Variants in TBC1D19 observed in about 807,000 individuals in gnomAD.
The protein encoded by TBC1D19 is TBC1 domain family member 19.
A neutral mutation model predicts 89.0 loss-of-function variants in TBC1D19; 60 were observed. That is an observed-to-expected ratio of 0.67 (90% CI 0.55 to 0.84). The LOEUF (loss-of-function observed/expected upper bound fraction) is 0.84. TBC1D19 is among the 40% of genes least tolerant of loss of function. The probability of loss-of-function intolerance (pLI) is 0.00; values close to 1 mark genes in which losing one functional copy is unlikely to be tolerated. For missense variants in TBC1D19, 500 were observed against 610.8 expected, an observed-to-expected ratio of 0.82 and a Z score of 1.91; for synonymous variants, 189 against 199.7, an observed-to-expected ratio of 0.95 and a Z score of 0.45.
the TBC1D19 span, among the ~76,000 whole-genome samples, chr4:26,817,229 C>A: frequency 6.6e-6 from 1 of 152,194 alleles, no homozygotes; most frequent in African/African-American, 2.4e-5. Flanking sequence ...CACAACCAAA[C>A]TGAATGCTGC....
intron 19 of TBC1D19, among the ~76,000 whole-genome samples, chr4:26,749,727 G>A (rs1217418968): frequency 6.6e-6 from 1 of 152,092 alleles, no homozygotes; most frequent in East Asian, 1.9e-4. Context: ...GATTACAGGT[G>A]TGAGCCTCCA....
At chr4:26,641,250 T>C (rs949650758) in intron 7 of TBC1D19, among the ~76,000 whole-genome samples, 1 of 152,228 alleles carries the variant, frequency 6.6e-6, no homozygotes, top group Non-Finnish European at 1.5e-5. Flanking sequence ...TATTTGCTGT[T>C]CTGCAGCCTC....
At chr4:26,812,378 ATGC>A in the TBC1D19 span, among the ~76,000 whole-genome samples, 10 of 152,204 alleles carry the variant, frequency 6.6e-5, no homozygotes, top group African/African-American at 2.4e-4. This position sits in a 1 kb window ranked among gnomAD's most constrained non-coding sequence, Gnocchi z 4.2. Flanking sequence ...GAGACCAGGA[ATGC>A]CTGCCAACGC....
intron 13 of TBC1D19, among the ~76,000 whole-genome samples, chr4:26,710,028 T>G (rs929093582): frequency 6.8e-5 from 10 of 146,524 alleles, no homozygotes; most frequent in South Asian, 4.2e-4. Flanking sequence ...GGGCAGAGTG[T>G]TTTTTTTTAT....
chr4:26,641,333 A>T (rs1743501667), intron 7 of TBC1D19, among the ~76,000 whole-genome samples: 1 of 152,226 alleles, frequency 6.6e-6, no homozygotes, highest in South Asian at 2.1e-4. Flanking sequence ...CAGCTGAGGG[A>T]CCTGACTGTT....
Position 26,620,652 on chromosome 4 carries a change from T to C in TBC1D19, c.258T>C (p.His86=). ...GTCATCCTGCTGCACCTCCTGAACA[T>C]CTTAAAGAACCTTTGGTATACATGA... is the stretch of plus-strand genomic sequence containing the variant. ...LPSHPAAPPE[H]LKEPLVYMRK... The change falls in exon 4 of 21, where the codon CAT becomes CAC. Residue 86 remains histidine (H), a synonymous_variant. Coordinates refer to ENST00000264866, the MANE Select transcript of TBC1D19 (RefSeq NM_018317.4). 1 of 1,613,740 alleles carries C rather than the reference T, an allele frequency of 6.2e-7. No individual in the cohort carries two copies. Among genetic ancestry groups the C allele is most frequent in the Non-Finnish European group, 8.5e-7 (1 of 1,179,862 alleles).
rs899740807 is a variant in TBC1D19 at position 26,659,714 on chromosome 4, A to G, written c.591+7A>G. The G allele has an allele frequency of 3.3e-6, 5 of 1,522,266 alleles. No individual in the cohort carries two copies. Among genetic ancestry groups the G allele is most frequent in the Non-Finnish European group, 4.5e-6 (5 of 1,113,966 alleles). 94.3% of individuals were successfully genotyped at this position (1,522,266 alleles called of 1,614,324 possible). Reference sequence around the variant, plus strand: ...AAAAGACATCCCTGAATTGGTAAGTATAGAAACTTAAAAATAAACATCATT... The same window carrying G: ...AAAAGACATCCCTGAATTGGTAAGTGTAGAAACTTAAAAATAAACATCATT... On this transcript the variant is annotated splice_region_variant and intron_variant, in intron 8 of 20. Transcript: ENST00000264866.
intron 3 of TBC1D19, among the ~76,000 whole-genome samples, chr4:26,616,503 A>G (rs954766780): frequency 6.6e-6 from 1 of 152,202 alleles, no homozygotes; most frequent in Admixed American, 6.5e-5. Flanking sequence ...TGCATTTTTC[A>G]TTGGCAGCAA....
intron 3 of TBC1D19, among the ~76,000 whole-genome samples, chr4:26,617,734 T>C (rs759313628): frequency 7.9e-5 from 12 of 152,260 alleles, no homozygotes; most frequent in Non-Finnish European, 1.0e-4. Flanking sequence ...TAGTCTTCAT[T>C]GTACTTTGTA....
At chr4:26,806,077 C>T in the TBC1D19 span, among the ~76,000 whole-genome samples, 2 of 152,190 alleles carry the variant, frequency 1.3e-5, no homozygotes, top group Non-Finnish European at 2.9e-5. Context: ...CTGGCTCCAG[C>T]CACAGGTGCC....
At position 26,646,418 on chromosome 4, in the gene TBC1D19, T is replaced by G. The variant is rs1243040863; in HGVS notation, c.480+6231T>G. On this transcript the variant is annotated intron_variant, in intron 7 of 20. Coordinates refer to ENST00000264866, the MANE Select transcript of TBC1D19 (RefSeq NM_018317.4). The stretch of plus-strand genomic sequence containing the variant: ...AGACAGTGTGGTGATTCCTCAAGGA[T>G]CTAGAACTAGAAATACCATTTGCCT... Among the ~76,000 whole-genome samples, 5 of 152,182 alleles carry G rather than the reference T, an allele frequency of 3.3e-5. No homozygotes were observed. The South Asian group carries it at 8.3e-4, about 25-fold the overall frequency.
At chr4:26,786,354 G>T in the TBC1D19 span, among the ~76,000 whole-genome samples, 1 of 152,162 alleles carries the variant, frequency 6.6e-6, no homozygotes, top group Non-Finnish European at 1.5e-5. Context: ...AGTAGTACCA[G>T]CCGGGCACGG....
the TBC1D19 span, among the ~76,000 whole-genome samples, chr4:26,813,318 T>A: frequency 6.6e-6 from 1 of 152,076 alleles, no homozygotes; most frequent in Non-Finnish European, 1.5e-5. Flanking sequence ...AATAGAAAAC[T>A]GTTCAATAAT....
At chr4:26,827,722 T>G in the TBC1D19 span, among the ~76,000 whole-genome samples, 2 of 151,326 alleles carry the variant, frequency 1.3e-5, no homozygotes, top group Non-Finnish European at 3.0e-5. Context: ...GTTTTGTTTT[T>G]TTTTTTTTGA....
At chr4:26,700,812 T>C (rs980186987) in intron 13 of TBC1D19, among the ~76,000 whole-genome samples, 1 of 152,176 alleles carries the variant, frequency 6.6e-6, no homozygotes, top group Non-Finnish European at 1.5e-5. Context: ...AAAAGTAAAT[T>C]GGCCTTCCTA....
Position 26,717,922 on chromosome 4 carries a change from G to A in TBC1D19, c.955-11G>A. 6.2e-7 allele frequency: 1 copy of A among 1,605,378 alleles called. No homozygotes were observed. On this transcript the variant is annotated splice_polypyrimidine_tract_variant and intron_variant, in intron 13 of 20. Coordinates refer to ENST00000264866, the MANE Select transcript of TBC1D19 (RefSeq NM_018317.4). ...GCTTAATTGCTATTTTTTTTCCAAT[G>A]TTATATTCAGGTATTACTTTGTTTT...
chr4:26,659,499 T>C, intron 7 of TBC1D19, 98 bp from the exon 8 acceptor site: 1 of 649,124 alleles, frequency 1.5e-6, no homozygotes, highest in Non-Finnish European at 2.6e-6. Flanking sequence ...AAATAGTAAT[T>C]AATTTTGTGG....
chr4:26,808,638 AGAATAGCTT>A, the TBC1D19 span, among the ~76,000 whole-genome samples: 5 of 149,934 alleles, frequency 3.3e-5, no homozygotes, highest in African/African-American at 1.2e-4. Flanking sequence ...CTGAGGCAGG[AGAATAGCTT>A]GAACCCGGGA....
At chr4:26,692,510 T>C (rs910679053) in intron 13 of TBC1D19, among the ~76,000 whole-genome samples, 1 of 152,188 alleles carries the variant, frequency 6.6e-6, no homozygotes, top group African/African-American at 2.4e-5. Context: ...TAGGCCACTG[T>C]CCACAATCCG....
Sources: allele counts gnomAD v4.1 joint callset (sites outside exome capture counted in the v4.1 genomes callset), GRCh38; gene constraint gnomAD v4.1.1; non-coding constraint Gnocchi (gnomAD v3.1); transcripts MANE v1.5; gene names NCBI Gene and HGNC (gene_info 2026-07-23, HGNC 2026-07-21).